The following MTMR8 variants were observed in gnomAD, a reference collection of about 807,000 sequenced individuals.
The protein encoded by MTMR8 is myotubularin related protein 8.
Under a neutral mutation model 39.3 loss-of-function variants are expected in MTMR8, and 65 were observed. The ratio of observed to expected loss-of-function variants is 1.65; its 90% CI spans 1.35 to 2.03. The LOEUF (loss-of-function observed/expected upper bound fraction) is 2.03, where lower values mean the gene tolerates loss of function less well. Ranked by LOEUF, MTMR8 falls within the 30% of genes most tolerant of loss-of-function variation. MTMR8 has a pLI of 0.00. For missense variants in MTMR8, 777 were observed against 538.9 expected (o/e 1.44, Z -4.37); for synonymous variants, 245 against 185.2 (o/e 1.32, Z -2.62).
chrX:64,289,694 T>G (rs183061179), intron 12 of MTMR8, among the ~76,000 whole-genome samples: 13 of 105,501 alleles, frequency 1.2e-4, no homozygotes, highest in African/African-American at 4.4e-4. Flanking sequence ...AAAATATACT[T>G]TTACAAAAAT....
Position 64,303,303 on chromosome X carries a change from C to T in MTMR8, c.1481+25469G>A, listed in dbSNP as rs960651549. Among the ~76,000 whole-genome samples, 9 of 111,726 alleles carry T rather than the reference C, an allele frequency of 8.1e-5. No homozygotes were observed. In the East Asian group the frequency reaches 2.5e-3, roughly 31 times the overall value. On this transcript the variant is annotated intron_variant, in intron 12 of 13. Transcript: ENST00000374852. The stretch of plus-strand genomic sequence containing the variant: ...TTTAATGTTTATTTCTCCAAGACAG[C>T]CTAGCTTGTACTCTATTTGGATAAA...
chrX:64,336,002 T>C (rs1392393766), intron 10 of MTMR8, 77 bp downstream of exon 10: 3 of 723,329 alleles, frequency 4.1e-6, no homozygotes, highest in African/African-American at 2.2e-5. Flanking sequence ...CCTTTACATG[T>C]ACATACTGAG....
At chrX:64,383,456 A>T (rs185692415) in intron 1 of MTMR8, among the ~76,000 whole-genome samples, 82 of 108,913 alleles carry the variant, frequency 7.5e-4, no homozygotes, top group Non-Finnish European at 1.1e-3. Flanking sequence ...GTATATTATT[A>T]TACATACATA....
intron 12 of MTMR8, among the ~76,000 whole-genome samples, chrX:64,303,517 G>A (rs1341786918): frequency 4.5e-5 from 5 of 112,193 alleles, no homozygotes; most frequent in Admixed American, 9.5e-5. Context: ...GGTGGTTAAC[G>A]TGATATATTT....
chrX:64,365,188 A>C (rs1323708492), intron 1 of MTMR8, among the ~76,000 whole-genome samples: 1 of 111,816 alleles, frequency 8.9e-6, no homozygotes, highest in Non-Finnish European at 1.9e-5. Flanking sequence ...AACACTTTTC[A>C]GGATACTATC....
intron 10 of MTMR8, 51 bp from the exon 11 acceptor site, chrX:64,331,808 T>G: frequency 9.5e-7 from 1 of 1,047,578 alleles, no homozygotes; most frequent in Non-Finnish European, 1.3e-6. Flanking sequence ...CATTAAGGAT[T>G]ACACTGTTGG....
chrX:64,351,194 C>T (rs1373318239), intron 4 of MTMR8, among the ~76,000 whole-genome samples: 1 of 110,789 alleles, frequency 9.0e-6, no homozygotes, highest in East Asian at 2.8e-4. Context: ...GAGACTCAGA[C>T]ACACATTTGA....
intron 1 of MTMR8, among the ~76,000 whole-genome samples, chrX:64,394,954 G>C (rs1602164073): frequency 8.9e-6 from 1 of 112,469 alleles, no homozygotes; most frequent in Non-Finnish European, 1.9e-5. Flanking sequence ...AACTCCGCAG[G>C]AGGCAGAGCA....
intron 4 of MTMR8, among the ~76,000 whole-genome samples, chrX:64,353,750 A>G (rs1016561216): frequency 3.6e-5 from 4 of 110,459 alleles, no homozygotes; most frequent in African/African-American, 1.3e-4. Flanking sequence ...GAGTTCAAGA[A>G]TCCCATCTCT....
chrX:64,353,180 G>A (rs1222819034), intron 4 of MTMR8, among the ~76,000 whole-genome samples: 1 of 111,777 alleles, frequency 8.9e-6, no homozygotes, highest in African/African-American at 3.3e-5. Context: ...ATATTGGTCT[G>A]GGCAAAGACT....
intron 12 of MTMR8, among the ~76,000 whole-genome samples, chrX:64,295,622 C>A (rs1921550634): frequency 9.0e-6 from 1 of 111,368 alleles, no homozygotes; most frequent in Non-Finnish European, 1.9e-5. Context: ...CCACAAAAAA[C>A]AACCCAATTC....
chrX:64,268,830 G>T lies in MTMR8; in HGVS notation c.1822C>A (p.Leu608Ile), dbSNP rs146161811. The change falls in exon 14 of 14, where the codon CTC (leucine) becomes ATC (isoleucine). Residue 608 changes from leucine (L) to isoleucine (I), a missense_variant. By Grantham distance (5) the Leu-to-Ile change is conservative. Coordinates refer to ENST00000374852, the MANE Select transcript of MTMR8 (RefSeq NM_017677.4). ...MDQVKSQGAD[L>I]HHNCCEIVGS... ...ACAATCTCACAACAGTTATGGTGGA[G>T]GTCTGCACCCTGGCTTTTTACTTGA... 1.6e-5 allele frequency: 19 copies of T among 1,209,675 alleles called. No homozygotes were observed. The East Asian group carries it at 2.7e-4, about 17-fold the overall frequency.
intron 12 of MTMR8, among the ~76,000 whole-genome samples, chrX:64,296,062 T>G (rs1921569520): frequency 8.9e-6 from 1 of 111,962 alleles, no homozygotes; most frequent in Non-Finnish European, 1.9e-5. Context: ...AACCCAGATG[T>G]CCATCAATGG....
rs759342874 is a variant in MTMR8, at chrX:64,328,020, A to G, written c.1481+752T>C. Among the ~76,000 whole-genome samples the G allele has an allele frequency of 7.1e-5, 8 of 112,069 alleles. No individual in the cohort carries two copies. In the East Asian group the frequency reaches 2.2e-3, roughly 31 times the overall value. On this transcript the variant is annotated intron_variant, in intron 12 of 13. Transcript: ENST00000374852. ...ATTTAAAATGTAATAGCAAAAAAAT[A>G]CAATAAATACTCAACTGAAAACAGA...
chrX:64,364,836 C>A (rs1240787390), intron 1 of MTMR8, among the ~76,000 whole-genome samples: 1 of 111,435 alleles, frequency 9.0e-6, no homozygotes, highest in Non-Finnish European at 1.9e-5. Context: ...GATGTTCGAA[C>A]CCATCGCAAG....
chrX:64,317,961 C>T (rs1434959736), intron 12 of MTMR8, among the ~76,000 whole-genome samples: 4 of 112,431 alleles, frequency 3.6e-5, no homozygotes, highest in Non-Finnish European at 7.5e-5. Flanking sequence ...AACACCCTAG[C>T]TGCATTGGAT....
intron 12 of MTMR8, among the ~76,000 whole-genome samples, chrX:64,313,443 A>T (rs1922373430): frequency 8.9e-6 from 1 of 112,655 alleles, no homozygotes; most frequent in African/African-American, 3.2e-5. Flanking sequence ...TTTATCAACA[A>T]TAGGACTGTT....
At chrX:64,332,696 C>T in intron 10 of MTMR8, among the ~76,000 whole-genome samples, 1 of 111,726 alleles carries the variant, frequency 9.0e-6, no homozygotes, top group East Asian at 2.8e-4. Context: ...ATCTGATGGT[C>T]TTAAGCTTTT....
chrX:64,341,247 G>A (rs1384530406), intron 8 of MTMR8, among the ~76,000 whole-genome samples: 1 of 111,715 alleles, frequency 9.0e-6, no homozygotes, highest in African/African-American at 3.3e-5. Context: ...GGGAGGCCAA[G>A]GCTGGTGGAT....
Sources: allele counts gnomAD v4.1 joint callset (sites outside exome capture counted in the v4.1 genomes callset), GRCh38; gene constraint gnomAD v4.1.1; transcripts MANE v1.5; gene names NCBI Gene and HGNC (gene_info 2026-07-23, HGNC 2026-07-21).